The following RHAG variants were observed in gnomAD, a reference collection of about 807,000 sequenced individuals.
The protein encoded by RHAG is Rh associated glycoprotein, also known as ammonium transporter Rh type A.
A neutral mutation model predicts 42.4 loss-of-function variants in RHAG; 25 were observed. That is an observed-to-expected ratio of 0.59 (90% CI 0.43 to 0.82). The LOEUF (loss-of-function observed/expected upper bound fraction) is 0.82, where lower values mean the gene tolerates loss of function less well. Ranked by LOEUF, RHAG falls within the 40% of genes least tolerant of loss-of-function variation. RHAG has a pLI of 0.00. For synonymous variants in RHAG, 182 were observed against 177.7 expected, an observed-to-expected ratio of 1.02 and a Z score of -0.19; for missense variants, 483 against 504.6, an observed-to-expected ratio of 0.96 and a Z score of 0.41.
At chr6:49,631,569 G>C (rs1762937130) in intron 1 of RHAG, among the ~76,000 whole-genome samples, 1 of 152,104 alleles carries the variant, frequency 6.6e-6, no homozygotes, top group Admixed American at 6.5e-5. Flanking sequence ...GCAGGATCCT[G>C]TGTCCTTTTC....
chr6:49,608,699 C>A (rs1375911090), intron 7 of RHAG, among the ~76,000 whole-genome samples: 1 of 152,028 alleles, frequency 6.6e-6, no homozygotes, highest in Admixed American at 6.6e-5. Flanking sequence ...AAGAACTTTT[C>A]CAAATAGAAA....
chr6:49,611,072 A>G lies in RHAG; in HGVS notation c.1019T>C (p.Val340Ala), dbSNP rs1339891228. Residue 340 changes from valine (V) to alanine (A), a missense_variant, in exon 7 of 10, where the codon GTG (valine) becomes GCG (alanine). Val to Ala is a moderately conservative substitution (Grantham distance 64). Coordinates refer to ENST00000371175, the MANE Select transcript of RHAG (RefSeq NM_000324.3). ...TGCCACAATGCCTGCAAGGCCTCCC[A>G]CTACACCAGGTAAGCCGTGGAGGTT... ...VHNLHGLPGVVGGLAGIVAVA... is the reference protein window; with the variant it reads ...VHNLHGLPGVAGGLAGIVAVA... The G allele has an allele frequency of 1.9e-6, 3 of 1,613,752 alleles. No individual in the cohort carries two copies. The highest frequency in any genetic ancestry group is 2.5e-6 in the Non-Finnish European group (3 of 1,179,866).
chr6:49,612,417 G>A lies in RHAG; in HGVS notation c.925C>T (p.Leu309Phe), dbSNP rs372058659. The change falls in exon 6 of 10, where the codon CTT becomes TTT. Residue 309 changes from leucine (L) to phenylalanine (F), a missense_variant. Leu to Phe is a conservative substitution (Grantham distance 22, BLOSUM62 0). Coordinates refer to ENST00000371175, the MANE Select transcript of RHAG (RefSeq NM_000324.3). The stretch of plus-strand genomic sequence containing the variant: ...CTTACAGTCAGGAACTTGTATCCAA[G>A]CACAGAGACCATTCCTGCAATGCTC... The part of the protein sequence containing the change: ...IGSIAGMVSV[L>F]GYKFLTPLFT... 23 of 1,614,178 alleles carry A rather than the reference G, an allele frequency of 1.4e-5. No homozygotes were observed. Among genetic ancestry groups the A allele is most frequent in the Non-Finnish European group, 1.8e-5 (21 of 1,180,010 alleles).
At chr6:49,611,740 C>CT (rs796656135) in intron 6 of RHAG, among the ~76,000 whole-genome samples, 16,070 of 143,414 alleles carry the variant, frequency 0.11, 1,013 homozygotes, top group African/African-American at 0.18. Flanking sequence ...CTAAATCTCT[C>CT]TTTTTTTTTT....
Position 49,605,784 on chromosome 6 carries a change from T to TG in RHAG, c.*28_*29insC. The TG allele has an allele frequency of 6.2e-7, 1 of 1,609,576 alleles. No homozygotes were observed. Among genetic ancestry groups the TG allele is most frequent in the Non-Finnish European group, 8.5e-7 (1 of 1,175,892 alleles). On this transcript the variant is annotated 3_prime_UTR_variant, in exon 10 of 10. Coordinates refer to ENST00000371175, the MANE Select transcript of RHAG (RefSeq NM_000324.3). ...GACTTCAGGTTCCAGCTGGCTGTGG[T>TG]CACCATGTCCATGGAACTGATTGTC...
At chr6:49,617,108 G>A (rs573562332) in intron 3 of RHAG, among the ~76,000 whole-genome samples, 3 of 152,212 alleles carry the variant, frequency 2.0e-5, no homozygotes, top group Admixed American at 1.3e-4. Context: ...ATCTGGTATC[G>A]CTCAAGTCTT....
chr6:49,635,147 A>C (rs867625429), intron 1 of RHAG, among the ~76,000 whole-genome samples: 29 of 151,590 alleles, frequency 1.9e-4, no homozygotes, highest in African/African-American at 6.8e-4. Context: ...GGCTACTGAA[A>C]AATGACCATG....
chr6:49,614,403 T>A (rs1344993080), intron 5 of RHAG, among the ~76,000 whole-genome samples: 1 of 151,822 alleles, frequency 6.6e-6, no homozygotes, highest in African/African-American at 2.4e-5. Flanking sequence ...GGTTTCTCCA[T>A]GTTGGCCAGG....
chr6:49,624,860 G>A (rs911818752), intron 1 of RHAG, among the ~76,000 whole-genome samples: 4 of 152,150 alleles, frequency 2.6e-5, no homozygotes, highest in Non-Finnish European at 4.4e-5. Flanking sequence ...ATATTTAGCC[G>A]TTTTCAAATA....
At chr6:49,633,998 C>T (rs1183870234) in intron 1 of RHAG, among the ~76,000 whole-genome samples, 2 of 151,828 alleles carry the variant, frequency 1.3e-5, no homozygotes, top group East Asian at 1.9e-4. Context: ...AAAATTGATA[C>T]GTAATATGTA....
intron 1 of RHAG, among the ~76,000 whole-genome samples, chr6:49,634,477 G>A (rs72873836): frequency 6.6e-6 from 1 of 152,182 alleles, no homozygotes; most frequent in South Asian, 2.1e-4. Flanking sequence ...CAAAGAAAAT[G>A]AAATCAGTAT....
At chr6:49,630,731 A>C (rs1471640675) in intron 1 of RHAG, among the ~76,000 whole-genome samples, 2 of 152,188 alleles carry the variant, frequency 1.3e-5, no homozygotes. Context: ...TACATCTCCT[A>C]AGTAAAATAC....
In RHAG at chr6:49,605,590, ATT is replaced by A; in HGVS notation, c.*221_*222del. 1.6e-6 allele frequency: 1 copy of A among 630,506 alleles called. No homozygotes were observed. Among genetic ancestry groups the A allele is most frequent in the South Asian group, 1.7e-5 (1 of 58,896 alleles). 39.1% of individuals were successfully genotyped at this position (630,506 alleles called of 1,614,324 possible). ...ATGAGTAACATCCCCTCAATTAATC[ATT>A]GAAGAGCAAGAGACAGCATCAGACA... On this transcript the variant is annotated 3_prime_UTR_variant, in exon 10 of 10. Transcript: ENST00000371175.
At chr6:49,630,544 CTTT>C (rs1562020234) in intron 1 of RHAG, among the ~76,000 whole-genome samples, 2 of 152,140 alleles carry the variant, frequency 1.3e-5, no homozygotes, top group Admixed American at 6.5e-5. Context: ...CTAAACTCAT[CTTT>C]TTTGAGAGAA....
intron 1 of RHAG, among the ~76,000 whole-genome samples, chr6:49,629,819 G>T (rs1217182247): frequency 1.3e-5 from 2 of 151,636 alleles, no homozygotes; most frequent in Non-Finnish European, 2.9e-5. Flanking sequence ...CCCGGGGCCG[G>T]CAGGGCCAGC....
intron 1 of RHAG, among the ~76,000 whole-genome samples, chr6:49,619,868 TG>T (rs1379940280): frequency 6.6e-6 from 1 of 152,212 alleles, no homozygotes; most frequent in Non-Finnish European, 1.5e-5. Context: ...GTGAACTTCT[TG>T]ATTGAAGGGG....
intron 5 of RHAG, among the ~76,000 whole-genome samples, chr6:49,613,788 C>T (rs1762606248): frequency 6.6e-6 from 1 of 152,170 alleles, no homozygotes; most frequent in African/African-American, 2.4e-5. Flanking sequence ...CCATATGTCC[C>T]TCATCCAGTT....
At chr6:49,630,116 G>A (rs1433624684) in intron 1 of RHAG, among the ~76,000 whole-genome samples, 6 of 152,192 alleles carry the variant, frequency 3.9e-5, no homozygotes, top group African/African-American at 1.4e-4. Flanking sequence ...CCTCTCACAG[G>A]TATGAGCCCA....
At chr6:49,624,718 G>C (rs1484695107) in intron 1 of RHAG, among the ~76,000 whole-genome samples, 4 of 152,194 alleles carry the variant, frequency 2.6e-5, no homozygotes, top group Admixed American at 6.5e-5. Flanking sequence ...CTGGTACAGA[G>C]TGCATGTGAA....
Sources: allele counts gnomAD v4.1 joint callset (sites outside exome capture counted in the v4.1 genomes callset), GRCh38; gene constraint gnomAD v4.1.1; transcripts MANE v1.5; gene names NCBI Gene and HGNC (gene_info 2026-07-23, HGNC 2026-07-21).